GAPVD1: variants seen among roughly 807,000 people sequenced by gnomAD.
GAPVD1 encodes GTPase-activating protein and VPS9 domain-containing protein 1.
Under a neutral mutation model 155.5 loss-of-function variants are expected in GAPVD1, and 35 were observed. The observed-to-expected ratio is 0.23, with a 90% CI of 0.17 to 0.30. The LOEUF (loss-of-function observed/expected upper bound fraction) is 0.30, where lower values mean the gene tolerates loss of function less well. Ranked by LOEUF, GAPVD1 falls within the 10% of genes least tolerant of loss-of-function variation. The pLI, the probability that GAPVD1 is intolerant of heterozygous loss-of-function variation, is 1.00. For synonymous variants in GAPVD1, 636 were observed against 619.7 expected (o/e 1.03, Z -0.39); for missense variants, 1,429 against 1,775.7 (o/e 0.80, Z 3.51).
chr9:125,311,154 A>G (rs1842630069), intron 8 of GAPVD1, among the ~76,000 whole-genome samples: 1 of 152,180 alleles, frequency 6.6e-6, no homozygotes, highest in African/African-American at 2.4e-5. Context: ...ATTTTAGAAA[A>G]AAATATTTTT....
chr9:125,288,236 T>C (rs1838032618), intron 2 of GAPVD1, among the ~76,000 whole-genome samples: 1 of 151,628 alleles, frequency 6.6e-6, no homozygotes, highest in South Asian at 2.1e-4. Flanking sequence ...CTCAGCCTCC[T>C]GAGTAACTGG....
chr9:125,284,164 C>G (rs1312858738), intron 2 of GAPVD1, among the ~76,000 whole-genome samples: 1 of 143,682 alleles, frequency 7.0e-6, no homozygotes, highest in Non-Finnish European at 1.5e-5. Flanking sequence ...GCGTGAGTCA[C>G]TGAGCCCCGC....
intron 2 of GAPVD1, among the ~76,000 whole-genome samples, chr9:125,284,785 G>T (rs1216629049): frequency 6.6e-6 from 1 of 152,104 alleles, no homozygotes; most frequent in Admixed American, 6.6e-5. Flanking sequence ...TTTCTTCTGG[G>T]CTACAAACCT....
intron 2 of GAPVD1, among the ~76,000 whole-genome samples, chr9:125,293,676 AAT>A (rs1052245420): frequency 7.1e-5 from 9 of 126,088 alleles, no homozygotes; most frequent in South Asian, 2.5e-4. Context: ...ATAATATAAA[AAT>A]ATATATATTA....
At chr9:125,267,597 C>T (rs542583467) in intron 1 of GAPVD1, among the ~76,000 whole-genome samples, 8 of 152,034 alleles carry the variant, frequency 5.3e-5, no homozygotes, top group Admixed American at 2.6e-4. Context: ...TTAGTAGAGA[C>T]GGGGTTTCAC....
chr9:125,296,066 T>C (rs1839801024), intron 3 of GAPVD1, among the ~76,000 whole-genome samples: 1 of 152,234 alleles, frequency 6.6e-6, no homozygotes, highest in South Asian at 2.1e-4. Flanking sequence ...GATCATTATA[T>C]ACCTACCACC....
At chr9:125,289,758 T>C (rs981971979) in intron 2 of GAPVD1, among the ~76,000 whole-genome samples, 5 of 152,128 alleles carry the variant, frequency 3.3e-5, no homozygotes, top group East Asian at 1.9e-4. Flanking sequence ...ACTGGAGATA[T>C]TAATTTGGGA....
At chr9:125,321,609 T>C (rs761612299) in intron 10 of GAPVD1, 47 bp downstream of exon 10, 5 of 1,556,044 alleles carry the variant, frequency 3.2e-6, no homozygotes, top group Non-Finnish European at 4.4e-6. Flanking sequence ...AATTAATAGT[T>C]TGTTTTGTGT....
chr9:125,327,346 T>A (rs973636378), intron 12 of GAPVD1, among the ~76,000 whole-genome samples: 2 of 152,156 alleles, frequency 1.3e-5, no homozygotes, highest in Admixed American at 6.5e-5. Context: ...TATTGATATG[T>A]TTATTTTTCT....
chr9:125,341,984 C>A, intron 18 of GAPVD1: 1 of 371,394 alleles, frequency 2.7e-6, no homozygotes, highest in Non-Finnish European at 4.9e-6. Flanking sequence ...TGATTTTAGT[C>A]CCAATGGATT....
At chr9:125,349,273 A>C in intron 20 of GAPVD1, 117 bp from the exon 21 acceptor site, 1 of 801,826 alleles carries the variant, frequency 1.2e-6, no homozygotes, top group Admixed American at 2.5e-5. Context: ...TTTTTTCCAG[A>C]GAACTCTTAT....
chr9:125,339,654 C>T (rs1367776886), intron 17 of GAPVD1, among the ~76,000 whole-genome samples: 1 of 152,174 alleles, frequency 6.6e-6, no homozygotes, highest in Non-Finnish European at 1.5e-5. Flanking sequence ...TTTCATTTAT[C>T]TACCTTTCTC....
intron 20 of GAPVD1, among the ~76,000 whole-genome samples, chr9:125,347,733 AC>A (rs1179428441): frequency 3.4e-5 from 5 of 147,082 alleles, no homozygotes; most frequent in African/African-American, 5.1e-5. Context: ...AAAAAAAAAA[AC>A]AAACATAAAT....
intron 2 of GAPVD1, among the ~76,000 whole-genome samples, chr9:125,281,199 T>C (rs1836735784): frequency 1.3e-5 from 2 of 152,234 alleles, no homozygotes; most frequent in African/African-American, 2.4e-5. Flanking sequence ...TTGTGATAAT[T>C]ACAGTGTTCG....
chr9:125,346,542 C>G (rs1848543431), intron 19 of GAPVD1: 1 of 470,598 alleles, frequency 2.1e-6, no homozygotes, highest in African/African-American at 2.0e-5. Context: ...CTTTAGAAAT[C>G]CGTCATCCAT....
At chr9:125,344,362 A>G (rs1326082303) in intron 19 of GAPVD1, among the ~76,000 whole-genome samples, 2 of 152,104 alleles carry the variant, frequency 1.3e-5, no homozygotes, top group Non-Finnish European at 2.9e-5. Flanking sequence ...TTTTAGACAT[A>G]GTTGGGTTTT....
intron 19 of GAPVD1, among the ~76,000 whole-genome samples, chr9:125,344,193 C>A (rs984159874): frequency 6.6e-6 from 1 of 152,282 alleles, no homozygotes; most frequent in African/African-American, 2.4e-5. Context: ...AATTTCCTAG[C>A]AGTCTGTTCA....
chr9:125,345,306 G>A (rs1213672782), intron 19 of GAPVD1, among the ~76,000 whole-genome samples: 5 of 151,724 alleles, frequency 3.3e-5, no homozygotes, highest in South Asian at 2.1e-4. Context: ...TCAGCCTCCC[G>A]AGTAGCTGGG....
intron 2 of GAPVD1, among the ~76,000 whole-genome samples, chr9:125,278,296 G>A (rs1002978242): frequency 2.0e-5 from 3 of 149,060 alleles, no homozygotes; most frequent in African/African-American, 7.4e-5. Flanking sequence ...CTAGTCCGGC[G>A]GATCACCTGA....
Sources: allele counts gnomAD v4.1 joint callset (sites outside exome capture counted in the v4.1 genomes callset), GRCh38; gene constraint gnomAD v4.1.1; transcripts MANE v1.5; gene names NCBI Gene and HGNC (gene_info 2026-07-23, HGNC 2026-07-21).